The following COL5A1 variants were observed in gnomAD, a reference collection of about 807,000 sequenced individuals.
COL5A1 encodes collagen type V alpha 1 chain, also known as collagen alpha-1(V) chain.
Under a neutral mutation model 263.7 loss-of-function variants are expected in COL5A1, and 16 were observed. That is an observed-to-expected ratio of 0.06 (90% confidence interval 0.04 to 0.09). COL5A1 has a LOEUF of 0.09. Ranked by LOEUF, COL5A1 falls within the 10% of genes least tolerant of loss-of-function variation. The pLI is 1.00. For synonymous variants in COL5A1, 1,012 were observed against 1,004.5 expected, an observed-to-expected ratio of 1.01 and a Z score of -0.14; for missense variants, 2,036 against 2,540.5, an observed-to-expected ratio of 0.80 and a Z score of 4.27.
Position 134,759,702 on chromosome 9 carries a change from A to G in COL5A1, c.1935+1406A>G, listed in dbSNP as rs1217067788. On this transcript the variant is annotated intron_variant, in intron 18 of 65. Coordinates refer to ENST00000371817, the MANE Select transcript of COL5A1 (RefSeq NM_000093.5). ...CCCCCACACTCATACACATATGCAC[A>G]CATGCACACACCCCCCCACCCCCAC... 1.7e-3 allele frequency among the ~76,000 whole-genome samples: 143 copies of G among 82,946 alleles called. 1 individual carries two copies. The highest frequency in any genetic ancestry group is 5.4e-3 in the African/African-American group (72 of 13,336). 54.4% of individuals were successfully genotyped at this position (82,946 alleles called of 152,430 possible). A position where few individuals can be genotyped will look rare whatever the true frequency, so the allele number is the denominator to read the frequency against.
At chr9:134,703,890 C>T (rs12005957) in intron 4 of COL5A1, among the ~76,000 whole-genome samples, 13,026 of 152,032 alleles carry the variant, frequency 0.086, 1,254 homozygotes, top group African/African-American at 0.23. Flanking sequence ...CCGCCCGCCT[C>T]GGCCTCCCAC....
In COL5A1 at chr9:134,801,944, C is replaced by T. The variant is rs373455273; in HGVS notation, c.2953-10C>T. 7 of 1,613,214 alleles carry T rather than the reference C, an allele frequency of 4.3e-6. No individual in the cohort carries two copies. The South Asian group carries it at 6.6e-5, about 15-fold the overall frequency. On this transcript the variant is annotated splice_polypyrimidine_tract_variant and intron_variant, in intron 37 of 65. Coordinates refer to ENST00000371817, the MANE Select transcript of COL5A1 (RefSeq NM_000093.5). Reference sequence around the variant, plus strand: ...GCAGCACCGTCAGTGCAGTGACTCTCTCTTCACAGGGTTTCCAAGGCAAGA... The same window carrying T: ...GCAGCACCGTCAGTGCAGTGACTCTTTCTTCACAGGGTTTCCAAGGCAAGA...
At chr9:134,804,172 G>T (rs1413789007) in intron 39 of COL5A1, among the ~76,000 whole-genome samples, 1 of 152,096 alleles carries the variant, frequency 6.6e-6, no homozygotes, top group East Asian at 1.9e-4. Flanking sequence ...GTAGATATAG[G>T]AATAAATACA....
intron 51 of COL5A1, 31 bp downstream of exon 51, chr9:134,815,660 T>A (rs775380131): frequency 6.2e-7 from 1 of 1,609,788 alleles, no homozygotes; most frequent in Non-Finnish European, 8.5e-7. Context: ...AGCCACCGGA[T>A]CCCCCACAGT....
intron 9 of COL5A1, chr9:134,732,356 G>A (rs1188227200): frequency 9.5e-6 from 6 of 629,038 alleles, no homozygotes; most frequent in Admixed American, 9.4e-5. Flanking sequence ...GGCGGGATAG[G>A]TGCTGATCAA....
chr9:134,757,616 ACT>A lies in COL5A1; in HGVS notation c.1882-624_1882-623del, dbSNP rs1381878565. ...GACAGGAGGAAACGCAGTCTTGTTGACTCTGTCTCAGAAGACCATGGTCTTCT... is the reference window on the plus strand; with the variant it reads ...GACAGGAGGAAACGCAGTCTTGTTGACTGTCTCAGAAGACCATGGTCTTCT... On this transcript the variant is annotated intron_variant, in intron 17 of 65. Transcript: ENST00000371817. This position sits in a 1 kb window ranked among gnomAD's most constrained non-coding sequence, Gnocchi z 6.2. Among the ~76,000 whole-genome samples, 1 of 151,982 alleles carries A rather than the reference ACT, an allele frequency of 6.6e-6. No homozygotes were observed. Among genetic ancestry groups the A allele is most frequent in the Admixed American group, 6.6e-5 (1 of 15,262 alleles).
chr9:134,686,457 G>T lies in COL5A1; in HGVS notation c.110-4455G>T, dbSNP rs915404512. ...TGTAGAGACGGGGTTTTACCATGTT[G>T]CCCAGGTTGATCTCCAACTCCCGAG... On this transcript the variant is annotated intron_variant, in intron 1 of 65. Transcript: ENST00000371817. The surrounding 1 kb of genome is among the most constrained non-coding windows in gnomAD (Gnocchi z 4.6). 6.6e-6 allele frequency among the ~76,000 whole-genome samples: 1 copy of T among 152,028 alleles called. No individual in the cohort carries two copies. The highest frequency in any genetic ancestry group is 2.4e-5 in the African/African-American group (1 of 41,376).
At chr9:134,746,341 C>T (rs1260217368) in intron 11 of COL5A1, among the ~76,000 whole-genome samples, 1 of 152,220 alleles carries the variant, frequency 6.6e-6, no homozygotes, top group African/African-American at 2.4e-5. Context: ...CACAAAGCCT[C>T]CTGCAGGCCT....
At chr9:134,817,106 G>A in intron 53 of COL5A1, 27 bp downstream of exon 53, 5 of 1,606,528 alleles carry the variant, frequency 3.1e-6, no homozygotes, top group Non-Finnish European at 4.3e-6. Context: ...GCACATCCTT[G>A]CTGTCAAATC....
At chr9:134,726,997 ATGAG>A (rs1834684380) in intron 4 of COL5A1, among the ~76,000 whole-genome samples, 1 of 150,714 alleles carries the variant, frequency 6.6e-6, no homozygotes, top group Non-Finnish European at 1.5e-5. Context: ...GGATGAACGA[ATGAG>A]TGGATGGATG....
chr9:134,713,300 G>A (rs1834134560), intron 4 of COL5A1, among the ~76,000 whole-genome samples: 2 of 152,256 alleles, frequency 1.3e-5, no homozygotes, highest in African/African-American at 4.8e-5. Flanking sequence ...GGGTGTGATG[G>A]TGGGGAGCAT....
intron 2 of COL5A1, among the ~76,000 whole-genome samples, chr9:134,695,832 T>C (rs1833440796): frequency 6.6e-6 from 1 of 152,142 alleles, no homozygotes; most frequent in South Asian, 2.1e-4. Flanking sequence ...CAGAACCAAG[T>C]TATCCCTGCA....
intron 4 of COL5A1, among the ~76,000 whole-genome samples, chr9:134,721,139 T>C (rs186747470): frequency 6.6e-6 from 1 of 152,086 alleles, no homozygotes; most frequent in African/African-American, 2.4e-5. Context: ...AGTCTAGTGA[T>C]GGACACAGGT....
intron 46 of COL5A1, among the ~76,000 whole-genome samples, chr9:134,812,241 C>A (rs1302008552): frequency 6.6e-6 from 1 of 152,182 alleles, no homozygotes; most frequent in Non-Finnish European, 1.5e-5. Context: ...TGTCGTAAAT[C>A]TTTGCAATCT....
chr9:134,822,208 C>G, intron 59 of COL5A1, 58 bp downstream of exon 59: 2 of 1,341,012 alleles, frequency 1.5e-6, no homozygotes, highest in Admixed American at 1.7e-5. Flanking sequence ...TGGGGATAAG[C>G]CTTGGGGCCT....
intron 4 of COL5A1, among the ~76,000 whole-genome samples, chr9:134,707,824 A>G (rs939836204): frequency 3.3e-5 from 5 of 152,212 alleles, no homozygotes; most frequent in Non-Finnish European, 5.9e-5. Flanking sequence ...CCCGCAGCCC[A>G]TCACTGGGCA....
rs115807049 is a variant in COL5A1, at chr9:134,843,575, C to A, written c.*1272C>A. ...CACTCCCTCCTGCGCTCTCCCGCCC[C>A]GGTGCGTCCACTCCCGAGGGCTGTT... On this transcript the variant is annotated 3_prime_UTR_variant, in exon 66 of 66. Transcript: ENST00000371817. The A allele has an allele frequency of 6.6e-6, 1 of 152,664 alleles. No individual in the cohort carries two copies. The highest frequency in any genetic ancestry group is 1.9e-4 in the East Asian group (1 of 5,192). 9.5% of individuals were successfully genotyped at this position (152,664 alleles called of 1,614,324 possible). A position where few individuals can be genotyped will look rare whatever the true frequency, so the allele number is the denominator to read the frequency against.
rs533229444 is a variant in COL5A1 at position 134,702,985 on chromosome 9, G to C, written c.654+1652G>C. Among the ~76,000 whole-genome samples the C allele has an allele frequency of 1.5e-4, 23 of 152,382 alleles. No individual in the cohort carries two copies. In the South Asian group the frequency reaches 4.8e-3, roughly 32 times the overall value. Reference sequence around the variant, plus strand: ...TTCAGTTGTTCTGGATATTAATACAGTGTCAAGGCAGACAGAAAGGCAGGA... The same window carrying C: ...TTCAGTTGTTCTGGATATTAATACACTGTCAAGGCAGACAGAAAGGCAGGA... On this transcript the variant is annotated intron_variant, in intron 4 of 65. Coordinates refer to ENST00000371817, the MANE Select transcript of COL5A1 (RefSeq NM_000093.5).
intron 19 of COL5A1, 72 bp from the exon 20 acceptor site, chr9:134,763,621 C>A: frequency 1.4e-6 from 2 of 1,476,850 alleles, no homozygotes; most frequent in Non-Finnish European, 1.9e-6. Context: ...AACCCTTGTG[C>A]ACCACTGAGG....
Sources: gnomAD v4.1 joint callset for allele counts (sites outside exome capture counted in the v4.1 genomes callset) on GRCh38, gnomAD v4.1.1 for gene constraint, Gnocchi (gnomAD v3.1) non-coding constraint, MANE v1.5 for transcripts, NCBI Gene and HGNC (gene_info 2026-07-23, HGNC 2026-07-21) for gene names.